TENM4: variants seen among roughly 807,000 people sequenced by gnomAD.
TENM4 encodes the protein teneurin transmembrane protein 4, also known as teneurin-4.
A neutral mutation model predicts 243.3 loss-of-function variants in TENM4; 82 were observed. The observed-to-expected ratio is 0.34, with a 90% CI of 0.28 to 0.40. The LOEUF is 0.40. TENM4 is among the 10% of genes least tolerant of loss of function. The pLI is 1.00. For synonymous variants in TENM4, 1,412 were observed against 1,456.3 expected, an observed-to-expected ratio of 0.97 and a Z score of 0.69; for missense variants, 3,138 against 3,673.3, an observed-to-expected ratio of 0.85 and a Z score of 3.77.
At chr11:79,225,896 GT>G (rs1485857532) in intron 2 of TENM4, among the ~76,000 whole-genome samples, 1 of 152,152 alleles carries the variant, frequency 6.6e-6, no homozygotes, top group Non-Finnish European at 1.5e-5. Context: ...TCACCTTAAA[GT>G]TACGAAAATG....
intron 9 of TENM4, among the ~76,000 whole-genome samples, chr11:78,878,265 C>T (rs1022982016): frequency 1.1e-4 from 17 of 152,006 alleles, no homozygotes; most frequent in African/African-American, 2.4e-4. Context: ...TGCAACATCA[C>T]GCCAGACCCG....
chr11:79,271,169 C>G (rs1467541844), intron 2 of TENM4, among the ~76,000 whole-genome samples: 3 of 152,058 alleles, frequency 2.0e-5, no homozygotes, highest in Admixed American at 1.3e-4. Context: ...GTGAAGATCT[C>G]AAGATCTAGG....
At chr11:79,208,855 T>C (rs1430414761) in intron 3 of TENM4, among the ~76,000 whole-genome samples, 1 of 152,200 alleles carries the variant, frequency 6.6e-6, no homozygotes, top group Non-Finnish European at 1.5e-5. Flanking sequence ...GTGCTTCTCA[T>C]TGCTCCTTTC....
chr11:79,216,293 A>G (rs1864049513), intron 2 of TENM4, among the ~76,000 whole-genome samples: 1 of 152,320 alleles, frequency 6.6e-6, no homozygotes, highest in South Asian at 2.1e-4. Context: ...GGCTTGGAGC[A>G]AAGTAGGAAC....
chr11:78,847,465 G>A (rs1255892829), intron 12 of TENM4, among the ~76,000 whole-genome samples: 4 of 152,202 alleles, frequency 2.6e-5, no homozygotes, highest in Non-Finnish European at 2.9e-5. Context: ...TGCAGATGTA[G>A]TGCTCTGATA....
chr11:78,867,992 T>C (rs1027352907), intron 9 of TENM4, among the ~76,000 whole-genome samples: 5 of 150,998 alleles, frequency 3.3e-5, no homozygotes, highest in Non-Finnish European at 5.9e-5. Context: ...AAATATTCCC[T>C]GGCCCACAGC....
intron 6 of TENM4, among the ~76,000 whole-genome samples, chr11:78,974,915 C>T (rs1449831212): frequency 6.6e-6 from 1 of 151,630 alleles, no homozygotes; most frequent in Non-Finnish European, 1.5e-5. Flanking sequence ...GAACTCCTGA[C>T]CTTATATAAT....
intron 12 of TENM4, among the ~76,000 whole-genome samples, chr11:78,815,760 A>G (rs1347239120): frequency 6.6e-6 from 1 of 152,236 alleles, no homozygotes; most frequent in African/African-American, 2.4e-5. Context: ...TGACAAGTAC[A>G]TATTGTTATT....
chr11:79,344,468 GC>G (rs201039896), intron 1 of TENM4, among the ~76,000 whole-genome samples: 479 of 152,290 alleles, frequency 3.1e-3, no homozygotes, highest in Admixed American at 7.8e-3. Flanking sequence ...CCATGAAACT[GC>G]CCCAGCCAAG....
intron 6 of TENM4, among the ~76,000 whole-genome samples, chr11:78,983,821 C>T (rs540790458): frequency 1.3e-5 from 2 of 152,348 alleles, no homozygotes; most frequent in East Asian, 3.9e-4. Flanking sequence ...GGGGTGGCAG[C>T]TCATGAGAGG....
At chr11:78,805,929 T>G (rs1254831814) in intron 14 of TENM4, among the ~76,000 whole-genome samples, 3 of 152,210 alleles carry the variant, frequency 2.0e-5, no homozygotes, top group Non-Finnish European at 4.4e-5. Flanking sequence ...GATAATTTAT[T>G]TTTAATTAAA....
At chr11:78,993,170 T>C (rs1489761265) in intron 6 of TENM4, among the ~76,000 whole-genome samples, 2 of 152,136 alleles carry the variant, frequency 1.3e-5, no homozygotes, top group African/African-American at 4.8e-5. Context: ...TCAAGGGGCA[T>C]GAAGCATAGA....
At chr11:78,796,434 C>G (rs973580342) in intron 15 of TENM4, among the ~76,000 whole-genome samples, 2 of 152,148 alleles carry the variant, frequency 1.3e-5, no homozygotes, top group African/African-American at 4.8e-5. Flanking sequence ...AATGAAGAGA[C>G]AGCTGATGTT....
intron 2 of TENM4, among the ~76,000 whole-genome samples, chr11:79,245,503 T>C (rs976638199): frequency 1.3e-4 from 20 of 152,220 alleles, no homozygotes; most frequent in Admixed American, 3.3e-4. Flanking sequence ...GTCACTTTCC[T>C]TCTCTGTGCC....
intron 18 of TENM4, among the ~76,000 whole-genome samples, chr11:78,759,606 G>T (rs1287732650): frequency 6.6e-6 from 1 of 152,192 alleles, no homozygotes; most frequent in Non-Finnish European, 1.5e-5. Context: ...AGGGATGTCT[G>T]CTCTCTAGTC....
At chr11:79,319,921 G>A (rs1382832596) in intron 1 of TENM4, among the ~76,000 whole-genome samples, 2 of 152,118 alleles carry the variant, frequency 1.3e-5, no homozygotes, top group African/African-American at 4.8e-5. Context: ...GCTTGTAGTT[G>A]GTTGACAAGA....
At chr11:79,405,862 A>AAAAAAAAAAC (rs1858557801) in intron 1 of TENM4, among the ~76,000 whole-genome samples, 1 of 151,398 alleles carries the variant, frequency 6.6e-6, no homozygotes, top group African/African-American at 2.4e-5. Context: ...AAAAAAAAAA[A>AAAAAAAAAAC]AAAAAAAAAC....
chr11:79,408,808 G>C (rs189127876), intron 1 of TENM4, among the ~76,000 whole-genome samples: 5 of 152,298 alleles, frequency 3.3e-5, no homozygotes, highest in Admixed American at 6.5e-5. Flanking sequence ...CAAATGCCAG[G>C]AGTTGAGAAG....
At chr11:78,759,234 C>T (rs1208928437) in intron 18 of TENM4, among the ~76,000 whole-genome samples, 1 of 152,196 alleles carries the variant, frequency 6.6e-6, no homozygotes, top group African/African-American at 2.4e-5. Context: ...CTGTCTTCTC[C>T]AGCAGTCGGC....
Sources: allele counts gnomAD v4.1 joint callset (sites outside exome capture counted in the v4.1 genomes callset), GRCh38; gene constraint gnomAD v4.1.1; transcripts MANE v1.5; gene names NCBI Gene and HGNC (gene_info 2026-07-23, HGNC 2026-07-21).